LENG8: variants seen among roughly 807,000 people sequenced by gnomAD.
LENG8 encodes the protein leukocyte receptor cluster (LRC) member 8.
LENG8 carries 28 observed loss-of-function variants against 102.1 expected under a neutral mutation model. That is an observed-to-expected ratio of 0.27 (90% CI 0.20 to 0.38). The LOEUF (loss-of-function observed/expected upper bound fraction) is 0.38. Ranked by LOEUF, LENG8 falls within the 10% of genes least tolerant of loss-of-function variation. The probability of loss-of-function intolerance (pLI) is 1.00; values close to 1 mark genes in which losing one functional copy is unlikely to be tolerated. For missense variants in LENG8, 1,022 were observed against 1,113.9 expected (o/e 0.92, Z 1.17); for synonymous variants, 531 against 456.7 (o/e 1.16, Z -2.07).
At position 54,461,606 on chromosome 19, in the gene LENG8, CCA is replaced by C. The variant is rs1282292510; in HGVS notation, c.*679_*680del. ...TCCGTGTCCCCTCCTCCCTCTGCCC[CCA>C]GTGTTTCTTCTGATTTTTTTTTCCC... On this transcript the variant is annotated 3_prime_UTR_variant, in exon 16 of 16. Coordinates refer to ENST00000326764, the MANE Select transcript of LENG8 (RefSeq NM_052925.4). The C allele has an allele frequency of 8.4e-6, 4 of 473,404 alleles. No homozygotes were observed. Among genetic ancestry groups the C allele is most frequent in the Non-Finnish European group, 1.8e-5 (4 of 228,534 alleles). 29.3% of individuals were successfully genotyped at this position (473,404 alleles called of 1,614,324 possible).
In LENG8 at chr19:54,461,064, C is replaced by G. The variant is rs1471656747; in HGVS notation, c.*136C>G. The G allele has an allele frequency of 7.8e-7, 1 of 1,280,124 alleles. No homozygotes were observed. The highest frequency in any genetic ancestry group is 1.5e-5 in the African/African-American group (1 of 67,592). 79.3% of individuals were successfully genotyped at this position (1,280,124 alleles called of 1,614,324 possible). A position where few individuals can be genotyped will look rare whatever the true frequency, so the allele number is the denominator to read the frequency against. On this transcript the variant is annotated 3_prime_UTR_variant, in exon 16 of 16. Transcript: ENST00000326764. ...CTCCAGGAAGAGCCACCATCCCTGC[C>G]CCCGTTTTCCCACCGGGGAGTCTGT...
chr19:54,459,076 T>C, intron 15 of LENG8: 1 of 1,389,632 alleles, frequency 7.2e-7, no homozygotes. Flanking sequence ...TCACTAGACA[T>C]TGCGCCTGGC....
At position 54,460,777 on chromosome 19, in the gene LENG8, C is replaced by T. The variant is rs758928647; in HGVS notation, c.2252C>T (p.Ala751Val). ...TCTTGTCTCCATAGCTTCCGCCCTG[C>T]GCTGCCAGTCTCCTACCTGCAGGCC... ...LKAMIKTFRP[A>V]LPVSYLQAEL... The change falls in exon 16 of 16, where the codon GCG becomes GTG. Residue 751 changes from alanine to valine, a missense_variant. This residue lies in a region of LENG8 where 129 missense variants were observed against 123.0 expected (regional missense o/e 1.05). Transcript: ENST00000326764. The T allele has an allele frequency of 3.2e-5, 51 of 1,583,606 alleles. No individual in the cohort carries two copies. The highest frequency in any genetic ancestry group is 1.7e-4 in the Middle Eastern group (1 of 5,964).
intron 8 of LENG8, 45 bp downstream of exon 8, chr19:54,455,612 A>C: frequency 6.5e-7 from 1 of 1,534,158 alleles, no homozygotes; most frequent in Non-Finnish European, 8.8e-7. Flanking sequence ...GTGCTGTGAG[A>C]GGCATGGGCT....
chr19:54,454,498 G>A lies in LENG8; in HGVS notation c.495G>A (p.Gln165=). ...QAPPQQLPSA[Q]PPQPSNPPHG... is the part of the protein sequence containing the mutation. ...CCCCTCAGCAGCTGCCGTCGGCTCA[G>A]CCCCCTCAGCCCTCAAATCCCCCAC... Residue 165 remains glutamine, a synonymous_variant, in exon 6 of 16, where the codon CAG becomes CAA. Transcript: ENST00000326764. 1 of 1,613,828 alleles carries A rather than the reference G, an allele frequency of 6.2e-7. No homozygotes were observed. The highest frequency in any genetic ancestry group is 8.5e-7 in the Non-Finnish European group (1 of 1,179,908).
rs187234128 is a variant in LENG8 at position 54,449,304 on chromosome 19, C to G, written c.-62C>G. 1 of 152,590 alleles carries G rather than the reference C, an allele frequency of 6.6e-6. No homozygotes were observed. The highest frequency in any genetic ancestry group is 1.9e-4 in the East Asian group (1 of 5,188). 9.5% of individuals were successfully genotyped at this position (152,590 alleles called of 1,614,324 possible). ...TGGCGTGTCCCTGCAGCGAAGGATCCTGGTTGGTAAGGGGAGCGGCAGGCG... is the reference window on the plus strand; with the variant it reads ...TGGCGTGTCCCTGCAGCGAAGGATCGTGGTTGGTAAGGGGAGCGGCAGGCG... On this transcript the variant is annotated 5_prime_UTR_variant, in exon 1 of 16. Transcript: ENST00000326764.
At chr19:54,451,632 T>C (rs1013629812) in intron 2 of LENG8, among the ~76,000 whole-genome samples, 1 of 152,214 alleles carries the variant, frequency 6.6e-6, no homozygotes, top group Admixed American at 6.5e-5. Flanking sequence ...TGATGATTCA[T>C]TCAAGCAAGT....
chr19:54,450,027 C>T (rs1326814130), intron 1 of LENG8, among the ~76,000 whole-genome samples: 1 of 152,222 alleles, frequency 6.6e-6, no homozygotes, highest in Non-Finnish European at 1.5e-5. Context: ...GATTAATTAT[C>T]CTACTTATCA....
chr19:54,455,994 C>T lies in LENG8; in HGVS notation c.1053C>T (p.Ser351=). The T allele has an allele frequency of 6.2e-7, 1 of 1,612,932 alleles. No individual in the cohort carries two copies. Among genetic ancestry groups the T allele is most frequent in the Non-Finnish European group, 8.5e-7 (1 of 1,179,772 alleles). ...PGLTREPVAE[S]PKKKRWEAAS... ...TGACCCGGGAGCCTGTGGCTGAGAG[C>T]CCTAAGAAGAAGCGGTGGGAGGCCG... Residue 351 remains serine, a synonymous_variant, in exon 9 of 16, where the codon AGC becomes AGT. Transcript: ENST00000326764.
chr19:54,457,501 T>C (rs1219778769), intron 11 of LENG8, among the ~76,000 whole-genome samples: 1 of 152,126 alleles, frequency 6.6e-6, no homozygotes, highest in Non-Finnish European at 1.5e-5. Flanking sequence ...CCACTACGCC[T>C]GGCTGATTTT....
At chr19:54,459,036 G>C (rs544979932) in intron 15 of LENG8, 65 of 1,434,744 alleles carry the variant, frequency 4.5e-5, no homozygotes, top group Non-Finnish European at 5.4e-5. Flanking sequence ...GAGGCCCCTG[G>C]TCAGGCCATG....
chr19:54,455,844 C>T (rs2084203865), intron 8 of LENG8, 123 bp from the exon 9 acceptor site: 1 of 1,094,400 alleles, frequency 9.1e-7, no homozygotes, highest in South Asian at 1.6e-5. Context: ...ACTGTAGTAG[C>T]TGAGCCGCCT....
chr19:54,460,003 G>A, intron 15 of LENG8: 4 of 1,250,760 alleles, frequency 3.2e-6, no homozygotes, highest in Non-Finnish European at 4.1e-6. Flanking sequence ...CCCCTCGTGG[G>A]TGGGGCGCCA....
At position 54,455,964 on chromosome 19, in the gene LENG8, C is replaced by T; in HGVS notation, c.1026-3C>T. 5 of 1,610,708 alleles carry T rather than the reference C, an allele frequency of 3.1e-6. No individual in the cohort carries two copies. Among genetic ancestry groups the T allele is most frequent in the Non-Finnish European group, 4.2e-6 (5 of 1,178,928 alleles). On this transcript the variant is annotated splice_region_variant and splice_polypyrimidine_tract_variant and intron_variant, in intron 8 of 15. Coordinates refer to ENST00000326764, the MANE Select transcript of LENG8 (RefSeq NM_052925.4). ...GTGACGCCCTGCCCTGCTGTATTCT[C>T]AGGCTGACCCGGGAGCCTGTGGCTG...
At chr19:54,452,068 G>T in intron 2 of LENG8, 25 bp from the exon 3 acceptor site, 3 of 1,595,252 alleles carry the variant, frequency 1.9e-6, no homozygotes, top group South Asian at 2.2e-5. Flanking sequence ...GAACAGGTGT[G>T]ACTTGATGTC....
rs1360833749 is a variant in LENG8 at position 54,455,556 on chromosome 19, G to A, written c.1014G>A (p.Glu338=). ...GSAYTIDWSR[E]PLPGLTREPV... ...CCTATACCATTGACTGGAGCCGGGA[G>A]CCCTTGCCGGGGTTAGTCTGGGTGG... The change falls in exon 8 of 16, where the codon GAG becomes GAA. Residue 338 remains glutamate, a synonymous_variant. Coordinates refer to ENST00000326764, the MANE Select transcript of LENG8 (RefSeq NM_052925.4). 1 of 1,610,404 alleles carries A rather than the reference G, an allele frequency of 6.2e-7. No individual in the cohort carries two copies. Among genetic ancestry groups the A allele is most frequent in the Admixed American group, 1.7e-5 (1 of 59,836 alleles).
chr19:54,456,084 G>A lies in LENG8; in HGVS notation c.1143G>A (p.Gln381=), dbSNP rs1263411505. 12 of 1,608,894 alleles carry A rather than the reference G, an allele frequency of 7.5e-6. No homozygotes were observed. Among genetic ancestry groups the A allele is most frequent in the Admixed American group, 1.7e-5 (1 of 59,404 alleles). Residue 381 remains glutamine, a synonymous_variant, in exon 9 of 16, where the codon CAG becomes CAA. Transcript: ENST00000326764. ...CAAGGGGCGGGGGTGCCCCGTCCCA[G>A]CGAGGGACGCCCGGGGCTGGGGGTG... ...SATRGGGAPS[Q]RGTPGAGGAG... is the part of the protein sequence containing the mutation.
chr19:54,460,444 C>T (rs962642740), intron 15 of LENG8: 1 of 1,285,288 alleles, frequency 7.8e-7, no homozygotes. Context: ...CATCCCCTGC[C>T]ACGTGCTGCT....
At chr19:54,450,265 A>G (rs1011091623) in intron 1 of LENG8, among the ~76,000 whole-genome samples, 13 of 151,992 alleles carry the variant, frequency 8.6e-5, no homozygotes, top group African/African-American at 3.1e-4. Flanking sequence ...GGGTAGTCCC[A>G]CTGAGGACTC....
Sources: gnomAD v4.1 joint callset for allele counts (sites outside exome capture counted in the v4.1 genomes callset) on GRCh38, gnomAD v4.1.1 for gene constraint, gnomAD v4.1.1 regional missense constraint, MANE v1.5 for transcripts, NCBI Gene and HGNC (gene_info 2026-07-23, HGNC 2026-07-21) for gene names.